The following SGK3 variants were observed in gnomAD, a reference collection of about 807,000 sequenced individuals.
The protein encoded by SGK3 is serum/glucocorticoid regulated kinase family member 3, also known as serine/threonine-protein kinase Sgk3.
SGK3 carries 47 observed loss-of-function variants against 68.5 expected under a neutral mutation model. That is an observed-to-expected ratio of 0.69 (90% CI 0.54 to 0.87). The LOEUF is 0.87. Ranked by LOEUF, SGK3 falls within the 40% of genes least tolerant of loss-of-function variation. The pLI, the probability that SGK3 is intolerant of heterozygous loss-of-function variation, is 0.00. For synonymous variants in SGK3, 181 were observed against 189.1 expected (o/e 0.96, Z 0.35); for missense variants, 479 against 575.5 (o/e 0.83, Z 1.72).
chr8:66,822,243 A>T, intron 5 of SGK3, 129 bp from the exon 6 acceptor site: 1 of 746,498 alleles, frequency 1.3e-6, no homozygotes, highest in Non-Finnish European at 1.9e-6. Context: ...AATGAATATT[A>T]ATGGATTCTG....
intron 5 of SGK3, among the ~76,000 whole-genome samples, chr8:66,819,264 T>C (rs971934661): frequency 1.2e-4 from 19 of 152,244 alleles, no homozygotes; most frequent in Non-Finnish European, 2.6e-4. Flanking sequence ...GATGTTCATA[T>C]ACTGCTAGAA....
intron 1 of SGK3, among the ~76,000 whole-genome samples, chr8:66,722,263 A>ATGTTTT (rs747798634): frequency 6.6e-6 from 1 of 151,712 alleles, no homozygotes; most frequent in Admixed American, 6.6e-5. Flanking sequence ...TTTTGTAAGG[A>ATGTTTT]TGTTTTTGTT....
chr8:66,812,632 A>C (rs1303813588), intron 4 of SGK3, among the ~76,000 whole-genome samples: 1 of 152,138 alleles, frequency 6.6e-6, no homozygotes, highest in Admixed American at 6.6e-5. Flanking sequence ...CAACAACAAC[A>C]AAAGTAATAG....
At chr8:66,812,909 C>T (rs1808436586) in intron 4 of SGK3, among the ~76,000 whole-genome samples, 1 of 152,160 alleles carries the variant, frequency 6.6e-6, no homozygotes, top group Admixed American at 6.6e-5. Flanking sequence ...AATATTTATT[C>T]CTAAATTGCT....
At chr8:66,746,388 A>C (rs1805655691) in intron 1 of SGK3, among the ~76,000 whole-genome samples, 1 of 152,150 alleles carries the variant, frequency 6.6e-6, no homozygotes. Context: ...TGAACCTTTC[A>C]ACTGACCAGT....
chr8:66,847,925 C>T (rs1428685215), intron 15 of SGK3, among the ~76,000 whole-genome samples: 1 of 136,428 alleles, frequency 7.3e-6, no homozygotes, highest in Non-Finnish European at 1.5e-5. Flanking sequence ...ATTAGGGAAT[C>T]TGCATGTTTG....
At chr8:66,718,149 C>T (rs1035620354) in intron 1 of SGK3, among the ~76,000 whole-genome samples, 15 of 151,956 alleles carry the variant, frequency 9.9e-5, no homozygotes, top group African/African-American at 3.1e-4. Context: ...CCTCAGCCTC[C>T]GAAGTAGCTG....
intron 1 of SGK3, among the ~76,000 whole-genome samples, chr8:66,778,332 T>C (rs1039096128): frequency 2.0e-5 from 3 of 152,258 alleles, no homozygotes; most frequent in African/African-American, 7.2e-5. Flanking sequence ...CTCGCTTTGT[T>C]GCCCAGGCTG....
chr8:66,761,709 C>G (rs940109669), intron 1 of SGK3, among the ~76,000 whole-genome samples: 1 of 152,012 alleles, frequency 6.6e-6, no homozygotes, highest in Non-Finnish European at 1.5e-5. Context: ...GCGGAGGTAA[C>G]AGTGAGCTGA....
chr8:66,808,513 A>ATT (rs35147550), intron 4 of SGK3, among the ~76,000 whole-genome samples: 36 of 140,952 alleles, frequency 2.6e-4, no homozygotes, highest in African/African-American at 2.9e-4. Context: ...AAATCCTGTA[A>ATT]TTTTTTTTTT....
At chr8:66,815,534 C>T (rs1808542260) in intron 5 of SGK3, among the ~76,000 whole-genome samples, 1 of 152,162 alleles carries the variant, frequency 6.6e-6, no homozygotes, top group South Asian at 2.1e-4. Flanking sequence ...GCTATCTTCA[C>T]CTTAGACCCA....
chr8:66,824,406 C>T (rs561414662), intron 6 of SGK3, among the ~76,000 whole-genome samples: 85 of 152,050 alleles, frequency 5.6e-4, no homozygotes, highest in Non-Finnish European at 1.1e-3. Context: ...AAATGTTGAA[C>T]GTTGATGCTA....
At chr8:66,821,678 A>ATTTTTTT (rs59399048) in intron 5 of SGK3, among the ~76,000 whole-genome samples, 9 of 108,580 alleles carry the variant, frequency 8.3e-5, no homozygotes, top group African/African-American at 1.1e-4. Context: ...ACGCCCGGCT[A>ATTTTTTT]TTTTTTTTTT....
chr8:66,795,971 A>G (rs1289880976), intron 2 of SGK3, among the ~76,000 whole-genome samples: 1 of 152,124 alleles, frequency 6.6e-6, no homozygotes, highest in African/African-American at 2.4e-5. Context: ...GATAGTAGGA[A>G]TTCAAATAAG....
chr8:66,845,126 C>T (rs1233607135), intron 14 of SGK3, among the ~76,000 whole-genome samples: 1 of 152,198 alleles, frequency 6.6e-6, no homozygotes, highest in Non-Finnish European at 1.5e-5. Flanking sequence ...TGGCCAGCCA[C>T]AGTGGCTCAC....
chr8:66,734,540 A>T (rs988437704), intron 1 of SGK3, among the ~76,000 whole-genome samples: 2 of 152,166 alleles, frequency 1.3e-5, no homozygotes, highest in African/African-American at 4.8e-5. Context: ...TTTCTAAAAA[A>T]ATTTTAAATT....
At chr8:66,853,900 G>C (rs1810398295) in intron 16 of SGK3, among the ~76,000 whole-genome samples, 1 of 152,132 alleles carries the variant, frequency 6.6e-6, no homozygotes, top group Non-Finnish European at 1.5e-5. Flanking sequence ...TTATCAACAA[G>C]TAGTTTTTGA....
chr8:66,849,734 C>T (rs1810185109), intron 15 of SGK3, among the ~76,000 whole-genome samples: 1 of 151,618 alleles, frequency 6.6e-6, no homozygotes, highest in South Asian at 2.1e-4. Context: ...AGCTGGATTA[C>T]AGGCATGTGC....
At chr8:66,800,381 T>TTTC (rs1374815852) in intron 3 of SGK3, among the ~76,000 whole-genome samples, 1 of 135,056 alleles carries the variant, frequency 7.4e-6, no homozygotes, top group Admixed American at 7.2e-5. Flanking sequence ...TTTCATTTCT[T>TTTC]TTTTTTTTTT....
Sources: allele counts gnomAD v4.1 joint callset (sites outside exome capture counted in the v4.1 genomes callset), GRCh38; gene constraint gnomAD v4.1.1; transcripts MANE v1.5; gene names NCBI Gene and HGNC (gene_info 2026-07-23, HGNC 2026-07-21).